Variants in ADGRL2 observed in about 807,000 individuals in gnomAD.
ADGRL2 encodes the protein adhesion G protein-coupled receptor L2, also known as calcium-independent alpha-latrotoxin receptor 2.
Under a neutral mutation model 157.4 loss-of-function variants are expected in ADGRL2, and 44 were observed. The observed-to-expected ratio is 0.28, with a 90% confidence interval of 0.22 to 0.36. The LOEUF is 0.36. Among genes scored for constraint, ADGRL2 ranks in the 10% least tolerant of loss-of-function variants. The pLI is 1.00. For missense variants in ADGRL2, 1,510 were observed against 1,768.9 expected (o/e 0.85, Z 2.63); for synonymous variants, 585 against 624.7 (o/e 0.94, Z 0.95).
chr1:81,313,878 T>C (rs1209317514), intron 1 of ADGRL2, among the ~76,000 whole-genome samples: 1 of 152,206 alleles, frequency 6.6e-6, no homozygotes, highest in Non-Finnish European at 1.5e-5. Flanking sequence ...CATTGCTTCA[T>C]GTATGTGTTC....
chr1:81,867,615 C>T, intron 2 of ADGRL2, among the ~76,000 whole-genome samples: 1 of 152,108 alleles, frequency 6.6e-6, no homozygotes, highest in East Asian at 1.9e-4. Context: ...CTACAAACAT[C>T]AGATTTTTAA....
At chr1:81,786,405 T>C (rs1413609529) in intron 2 of ADGRL2, among the ~76,000 whole-genome samples, 1 of 152,076 alleles carries the variant, frequency 6.6e-6, no homozygotes, top group Non-Finnish European at 1.5e-5. Context: ...TGGTAAAACC[T>C]TGTCTCTACT....
chr1:81,927,653 G>T (rs182008560), intron 3 of ADGRL2, among the ~76,000 whole-genome samples: 24 of 151,898 alleles, frequency 1.6e-4, no homozygotes, highest in Admixed American at 3.9e-4. Context: ...ATACCTATAG[G>T]ATTAAATTCT....
chr1:81,310,297 C>G (rs1189433421), intron 1 of ADGRL2, among the ~76,000 whole-genome samples: 5 of 152,138 alleles, frequency 3.3e-5, no homozygotes, highest in African/African-American at 9.6e-5. Flanking sequence ...TTTGGGATAG[C>G]CTTTGAATTG....
At chr1:81,431,237 A>AT (rs980425946) in intron 1 of ADGRL2, among the ~76,000 whole-genome samples, 62 of 152,012 alleles carry the variant, frequency 4.1e-4, no homozygotes, top group African/African-American at 1.4e-3. Context: ...GCTGCTTTTT[A>AT]TTTTTTTCTT....
At chr1:81,964,698 AAG>A (rs1656528649) in intron 11 of ADGRL2, among the ~76,000 whole-genome samples, 3 of 152,092 alleles carry the variant, frequency 2.0e-5, no homozygotes, top group East Asian at 1.9e-4. Flanking sequence ...TAAAAATAAA[AAG>A]GGGATTGTAG....
intron 2 of ADGRL2, among the ~76,000 whole-genome samples, chr1:81,508,371 T>C (rs146631084): frequency 1.3e-5 from 2 of 152,310 alleles, no homozygotes; most frequent in African/African-American, 4.8e-5. Flanking sequence ...TCATCACCCC[T>C]ACCTCAGTCA....
intron 2 of ADGRL2, among the ~76,000 whole-genome samples, chr1:81,843,138 A>T (rs955017224): frequency 1.3e-5 from 2 of 152,076 alleles, no homozygotes; most frequent in African/African-American, 4.8e-5. Flanking sequence ...AAAAATTACT[A>T]TTATTATTTT....
At chr1:81,411,984 A>C (rs950640516) in intron 1 of ADGRL2, among the ~76,000 whole-genome samples, 2 of 152,200 alleles carry the variant, frequency 1.3e-5, no homozygotes, top group African/African-American at 4.8e-5. Context: ...CTCTTCAAAA[A>C]GGATCATCAG....
chr1:81,526,571 T>G (rs1305648819), intron 2 of ADGRL2, among the ~76,000 whole-genome samples: 1 of 152,250 alleles, frequency 6.6e-6, no homozygotes, highest in Admixed American at 6.5e-5. Flanking sequence ...AGAAGAGATA[T>G]GTAATGTTTA....
intron 2 of ADGRL2, among the ~76,000 whole-genome samples, chr1:81,483,492 A>G (rs2078434854): frequency 6.6e-6 from 1 of 152,222 alleles, no homozygotes; most frequent in Non-Finnish European, 1.5e-5. Context: ...TATCTGATAA[A>G]TAGCTACTTC....
chr1:81,721,591 A>T, intron 1 of ADGRL2: 1 of 533,858 alleles, frequency 1.9e-6, no homozygotes, highest in Non-Finnish European at 3.4e-6. Flanking sequence ...CCCAGTTTCT[A>T]CCAAAAAAAT....
At chr1:81,412,719 G>GCAATA (rs2076967676) in intron 1 of ADGRL2, among the ~76,000 whole-genome samples, 1 of 152,124 alleles carries the variant, frequency 6.6e-6, no homozygotes, top group African/African-American at 2.4e-5. Context: ...TGCAATAGAT[G>GCAATA]GATAATTGGG....
chr1:81,338,380 A>AAAACACAAAACG (rs1661807882), intron 1 of ADGRL2, among the ~76,000 whole-genome samples: 1 of 152,064 alleles, frequency 6.6e-6, no homozygotes. Context: ...AAAACAAAAC[A>AAAACACAAAACG]AAACACAAAA....
intron 3 of ADGRL2, among the ~76,000 whole-genome samples, chr1:81,635,100 A>G (rs1318744634): frequency 3.3e-5 from 5 of 152,154 alleles, no homozygotes; most frequent in African/African-American, 1.2e-4. Flanking sequence ...TGGTAGGATG[A>G]TCCGGAGTTA....
chr1:81,580,404 T>A (rs1312220551), intron 2 of ADGRL2, among the ~76,000 whole-genome samples: 1 of 151,990 alleles, frequency 6.6e-6, no homozygotes, highest in African/African-American at 2.4e-5. Context: ...TGAACTGGTG[T>A]TAAGAGAAAA....
intron 3 of ADGRL2, among the ~76,000 whole-genome samples, chr1:81,654,908 CT>C (rs2082497150): frequency 6.6e-6 from 1 of 152,206 alleles, no homozygotes; most frequent in Admixed American, 6.5e-5. Context: ...GCCTCCTCAC[CT>C]GCAAAATTGC....
intron 2 of ADGRL2, among the ~76,000 whole-genome samples, chr1:81,459,711 C>T (rs1209501105): frequency 4.0e-5 from 6 of 151,598 alleles, no homozygotes; most frequent in African/African-American, 1.5e-4. Context: ...TATACACACA[C>T]ACACATATAC....
intron 2 of ADGRL2, among the ~76,000 whole-genome samples, chr1:81,446,241 G>A (rs566347872): frequency 4.6e-5 from 7 of 152,306 alleles, no homozygotes; most frequent in African/African-American, 1.7e-4. Context: ...GCACAGCACA[G>A]CGTAGTTGGA....
Sources: allele counts gnomAD v4.1 joint callset (sites outside exome capture counted in the v4.1 genomes callset), GRCh38; gene constraint gnomAD v4.1.1; transcripts MANE v1.5; gene names NCBI Gene and HGNC (gene_info 2026-07-23, HGNC 2026-07-21).